The following CACNA1E variants were observed in gnomAD, a reference collection of about 807,000 sequenced individuals.
The protein encoded by CACNA1E is voltage-dependent R-type calcium channel subunit alpha-1E.
CACNA1E carries 40 observed loss-of-function variants against 259.2 expected under a neutral mutation model. That is an observed-to-expected ratio of 0.15 (90% CI 0.12 to 0.20). The LOEUF is 0.20. Ranked by LOEUF, CACNA1E falls within the 10% of genes least tolerant of loss-of-function variation. The pLI is 1.00. For synonymous variants in CACNA1E, 1,104 were observed against 1,138.5 expected, an observed-to-expected ratio of 0.97 and a Z score of 0.61; for missense variants, 1,874 against 3,040.1, an observed-to-expected ratio of 0.62 and a Z score of 9.02.
At position 181,785,448 on chromosome 1, in the gene CACNA1E, G is replaced by A. The variant is rs1487447993; in HGVS notation, c.5679+30G>A. 6 of 1,475,100 alleles carry A rather than the reference G, an allele frequency of 4.1e-6. No individual in the cohort carries two copies. In the Admixed American group the frequency reaches 1.0e-4, roughly 26 times the overall value. 91.4% of individuals were successfully genotyped at this position (1,475,100 alleles called of 1,614,324 possible). ...AAGTCAATGCCAGCATGCTAAGTGGGTGGGCCATGAGGAGTTGCAGGAGGG... is the reference window on the plus strand; with the variant it reads ...AAGTCAATGCCAGCATGCTAAGTGGATGGGCCATGAGGAGTTGCAGGAGGG... On this transcript the variant is annotated intron_variant, in intron 42 of 47. Transcript: ENST00000367573.
At chr1:181,322,081 G>A (rs1010582664) in intron 1 of CACNA1E, among the ~76,000 whole-genome samples, 2 of 152,156 alleles carry the variant, frequency 1.3e-5, no homozygotes, top group African/African-American at 2.4e-5. Context: ...GTGGAGCAGC[G>A]ACTGCCCTTG....
intron 7 of CACNA1E, among the ~76,000 whole-genome samples, chr1:181,669,461 T>G (rs888119348): frequency 9.2e-5 from 14 of 152,328 alleles, no homozygotes; most frequent in Middle Eastern, 3.4e-3. Context: ...ACTGGGGAAC[T>G]CTGACTCATC....
In CACNA1E at chr1:181,771,950, AAGAG is replaced by A. The variant is rs1217378402; in HGVS notation, c.4974-113_4974-110del. The A allele has an allele frequency of 6.6e-6, 6 of 903,178 alleles. No homozygotes were observed. In the Admixed American group the frequency reaches 1.4e-4, roughly 22 times the overall value. The allele number at this position is 903,178 out of a possible 1,614,324, so 55.9% of individuals were successfully genotyped here. On this transcript the variant is annotated intron_variant, in intron 36 of 47. Coordinates refer to ENST00000367573, the MANE Select transcript of CACNA1E (RefSeq NM_001205293.3). ...CACTAGAAGGGGTCAACTGGGTAAA[AAGAG>A]AGCCTGTTGGGCCCAGACAAGAGCG...
At chr1:181,511,637 C>A in intron 3 of CACNA1E, 127 bp downstream of exon 3, 1 of 1,103,642 alleles carries the variant, frequency 9.1e-7, no homozygotes, top group Non-Finnish European at 1.3e-6. Flanking sequence ...AGAAAAAGTT[C>A]AAGGCTAAGA....
Position 181,766,700 on chromosome 1 carries a change from T to C in CACNA1E, c.4881+89T>C, listed in dbSNP as rs896556589. 3.3e-5 allele frequency: 32 copies of C among 972,644 alleles called. No individual in the cohort carries two copies. In the African/African-American group the frequency reaches 4.2e-4, roughly 13 times the overall value. The allele number at this position is 972,644 out of a possible 1,614,324, so 60.3% of individuals were successfully genotyped here. The stretch of plus-strand genomic sequence containing the variant: ...AACCTAAGCATGCAAGACCTGAAGA[T>C]GCTTTGAACCCCTTCTTGCCTAAGG... On this transcript the variant is annotated intron_variant, in intron 35 of 47. Coordinates refer to ENST00000367573, the MANE Select transcript of CACNA1E (RefSeq NM_001205293.3).
chr1:181,666,230 T>G (rs1248085088), intron 7 of CACNA1E, among the ~76,000 whole-genome samples: 1 of 152,168 alleles, frequency 6.6e-6, no homozygotes, highest in Non-Finnish European at 1.5e-5. Flanking sequence ...CCTTAGTTAT[T>G]TATAATGGGA....
intron 19 of CACNA1E, among the ~76,000 whole-genome samples, chr1:181,731,743 G>A (rs1389950826): frequency 2.6e-5 from 4 of 152,062 alleles, no homozygotes; most frequent in Admixed American, 2.6e-4. Context: ...GGGCTGAAAT[G>A]CTCGATCGCA....
intron 3 of CACNA1E, among the ~76,000 whole-genome samples, chr1:181,561,077 G>T (rs1016793552): frequency 5.9e-5 from 9 of 152,170 alleles, no homozygotes; most frequent in African/African-American, 2.2e-4. Flanking sequence ...TTGCCAGGGG[G>T]CTAGCAGGAG....
intron 1 of CACNA1E, among the ~76,000 whole-genome samples, chr1:181,497,287 G>A (rs2102543473): frequency 6.6e-6 from 1 of 152,338 alleles, no homozygotes; most frequent in Admixed American, 6.5e-5. Context: ...GGAGAGCAAA[G>A]CAAAGGAATA....
intron 6 of CACNA1E, among the ~76,000 whole-genome samples, chr1:181,627,170 C>A (rs1464852288): frequency 6.6e-6 from 1 of 152,176 alleles, no homozygotes; most frequent in African/African-American, 2.4e-5. Context: ...AAATTCAGTT[C>A]ATTTCAGTGA....
chr1:181,492,580 T>C (rs1196556406), intron 1 of CACNA1E, among the ~76,000 whole-genome samples: 1 of 152,226 alleles, frequency 6.6e-6, no homozygotes, highest in Non-Finnish European at 1.5e-5. Flanking sequence ...AATGGACTAA[T>C]AGCTCAGCAG....
At chr1:181,390,732 G>A (rs1054895646) in intron 1 of CACNA1E, among the ~76,000 whole-genome samples, 1 of 152,184 alleles carries the variant, frequency 6.6e-6, no homozygotes, top group African/African-American at 2.4e-5. Flanking sequence ...TCCTAGAACC[G>A]TAAATGCTGT....
At chr1:181,401,144 G>A (rs1230953746) in intron 1 of CACNA1E, among the ~76,000 whole-genome samples, 3 of 152,252 alleles carry the variant, frequency 2.0e-5, no homozygotes, top group Non-Finnish European at 4.4e-5. Flanking sequence ...AGCTTTTTCT[G>A]TCTTCCCTAT....
chr1:181,460,125 T>C (rs1661709095), intron 2 of CACNA1E, among the ~76,000 whole-genome samples: 1 of 152,182 alleles, frequency 6.6e-6, no homozygotes, highest in African/African-American at 2.4e-5. Flanking sequence ...CACCAGCTGA[T>C]ATAGGGCCTG....
rs570076814 is a variant in CACNA1E, at chr1:181,776,075, C to A, written c.5140-26C>A. 1.9e-6 allele frequency: 3 copies of A among 1,604,832 alleles called. No homozygotes were observed. Among genetic ancestry groups the A allele is most frequent in the Non-Finnish European group, 2.6e-6 (3 of 1,174,634 alleles). ...GAGCTCTGCTTTAGGTTTCCCCTAA[C>A]CCCTCTTCTTCCCCTTGCCCTTCAG... On this transcript the variant is annotated intron_variant, in intron 37 of 47. Transcript: ENST00000367573. This position sits in a 1 kb window ranked among gnomAD's most constrained non-coding sequence, Gnocchi z 4.4.
At chr1:181,692,524 A>C (rs1651270652) in intron 7 of CACNA1E, among the ~76,000 whole-genome samples, 1 of 152,212 alleles carries the variant, frequency 6.6e-6, no homozygotes, top group Non-Finnish European at 1.5e-5. Context: ...CTGATCTTCA[A>C]CAAAGTTGAC....
rs1203021934 is a variant in CACNA1E at position 181,717,250 on chromosome 1, C to T, written c.1473C>T (p.Ala491=). 1 of 1,613,892 alleles carries T rather than the reference C, an allele frequency of 6.2e-7. No individual in the cohort carries two copies. The highest frequency in any genetic ancestry group is 8.5e-7 in the Non-Finnish European group (1 of 1,179,900). Residue 491 remains alanine (A), a synonymous_variant, in exon 11 of 48, where the codon GCC becomes GCT. Coordinates refer to ENST00000367573, the MANE Select transcript of CACNA1E (RefSeq NM_001205293.3). ...TGAGCCTTGTGGCACTCAACACTGC[C>T]TGTGTGGCCATTGTCCATCACAACC... ...IVLSLVALNT[A]CVAIVHHNQP...
chr1:181,637,161 A>G lies in CACNA1E; in HGVS notation c.952-14177A>G, dbSNP rs181588628. ...TGAGACTGTAGCTATATGAGAAAGC[A>G]GAATCTACCAGTTTTGTTTTAATCC... On this transcript the variant is annotated intron_variant, in intron 6 of 47. Transcript: ENST00000367573. Among the ~76,000 whole-genome samples the G allele has an allele frequency of 1.9e-3, 290 of 152,338 alleles. 2 individuals are homozygous for G. The highest frequency in any genetic ancestry group is 6.7e-3 in the African/African-American group (278 of 41,580).
intron 1 of CACNA1E, among the ~76,000 whole-genome samples, chr1:181,331,621 G>A (rs764154709): frequency 2.0e-5 from 3 of 152,132 alleles, no homozygotes; most frequent in Non-Finnish European, 4.4e-5. Flanking sequence ...TGGAAACACC[G>A]TTAAGACACA....
Sources: allele counts gnomAD v4.1 joint callset (sites outside exome capture counted in the v4.1 genomes callset), GRCh38; gene constraint gnomAD v4.1.1; non-coding constraint Gnocchi (gnomAD v3.1); transcripts MANE v1.5; gene names NCBI Gene and HGNC (gene_info 2026-07-23, HGNC 2026-07-21).